Variants in SULT4A1 observed in about 807,000 individuals in gnomAD.
The protein encoded by SULT4A1 is sulfotransferase 4A1.
Under a neutral mutation model 35.2 loss-of-function variants are expected in SULT4A1, and 11 were observed. The ratio of observed to expected loss-of-function variants is 0.31; its 90% CI spans 0.20 to 0.52. SULT4A1 has a LOEUF of 0.52. SULT4A1 is among the 20% of genes least tolerant of loss of function. The pLI is 0.97. For missense variants in SULT4A1, 271 were observed against 383.7 expected, an observed-to-expected ratio of 0.71 and a Z score of 2.45; for synonymous variants, 152 against 151.8, an observed-to-expected ratio of 1.00 and a Z score of -0.01.
At chr22:43,853,558 A>C (rs1350846613) in intron 1 of SULT4A1, among the ~76,000 whole-genome samples, 1 of 152,178 alleles carries the variant, frequency 6.6e-6, no homozygotes, top group Non-Finnish European at 1.5e-5. Flanking sequence ...TGGGTTCCAC[A>C]GTCAGGCCTG....
chr22:43,861,581 G>A (rs368078600), intron 1 of SULT4A1, among the ~76,000 whole-genome samples: 42 of 152,328 alleles, frequency 2.8e-4, no homozygotes, highest in African/African-American at 9.9e-4. Context: ...TCACACAGCT[G>A]TTATTGTGAA....
chr22:43,847,395 C>A (rs1345635331), intron 1 of SULT4A1, among the ~76,000 whole-genome samples: 1 of 152,272 alleles, frequency 6.6e-6, no homozygotes, highest in African/African-American at 2.4e-5. Context: ...CCTAGCTCTG[C>A]AAGGCCCTCT....
At chr22:43,832,778 A>C (rs2063334281) in intron 5 of SULT4A1, among the ~76,000 whole-genome samples, 1 of 152,146 alleles carries the variant, frequency 6.6e-6, no homozygotes, top group Non-Finnish European at 1.5e-5. Flanking sequence ...GTGTGGGGAA[A>C]GTACAAGGCT....
At chr22:43,841,361 G>T (rs977877707) in intron 2 of SULT4A1, among the ~76,000 whole-genome samples, 6 of 152,192 alleles carry the variant, frequency 3.9e-5, no homozygotes, top group Non-Finnish European at 1.5e-5. Context: ...AACTAAAGAG[G>T]TGCAGCGGAC....
intron 1 of SULT4A1, among the ~76,000 whole-genome samples, chr22:43,854,414 A>G (rs543072975): frequency 6.6e-6 from 1 of 152,332 alleles, no homozygotes; most frequent in East Asian, 1.9e-4. Context: ...GATCTAGTCA[A>G]TCTGCACACA....
In SULT4A1 at chr22:43,833,674, T is replaced by C; in HGVS notation, c.569A>G (p.Asn190Ser). The C allele has an allele frequency of 6.3e-7, 1 of 1,595,270 alleles. No individual in the cohort carries two copies. ...GTCTTCATACTTGAGAAAAAGCACG[T>C]TCGAGTCCATGCGGTGCTCCCAGAA... ...QEFWEHRMDS[N>S]VLFLKYEDMH... Residue 190 changes from asparagine to serine, a missense_variant, in exon 5 of 7, where the codon AAC becomes AGC. Asn to Ser is a conservative substitution (Grantham distance 46, BLOSUM62 1). Transcript: ENST00000330884.
At chr22:43,858,332 A>G (rs2049426848) in intron 1 of SULT4A1, among the ~76,000 whole-genome samples, 2 of 152,156 alleles carry the variant, frequency 1.3e-5, no homozygotes, top group Admixed American at 1.3e-4. Context: ...TTCCTCCAGA[A>G]GTCATTCTGC....
chr22:43,843,729 C>T (rs2063452037), intron 1 of SULT4A1, among the ~76,000 whole-genome samples: 1 of 152,252 alleles, frequency 6.6e-6, no homozygotes, highest in African/African-American at 2.4e-5. Context: ...TCCGTACCCT[C>T]CTCCATCCTC....
chr22:43,831,610 A>G (rs1398618123), intron 5 of SULT4A1, among the ~76,000 whole-genome samples: 1 of 152,234 alleles, frequency 6.6e-6, no homozygotes, highest in Non-Finnish European at 1.5e-5. Flanking sequence ...TCGTGCTGCA[A>G]CGGAGCACCG....
At chr22:43,862,024 TCCCACCCCCAC>T (rs2049475930) in intron 1 of SULT4A1, among the ~76,000 whole-genome samples, 179 bp downstream of exon 1, 1 of 150,876 alleles carries the variant, frequency 6.6e-6, no homozygotes, top group African/African-American at 2.4e-5. Flanking sequence ...CCAAGCCCCT[TCCCACCCCCAC>T]CCCACCCCAC....
rs1183291763 is a variant in SULT4A1 at position 43,826,018 on chromosome 22, A to C, written c.838T>G (p.Phe280Val). 6.2e-7 allele frequency: 1 copy of C among 1,613,914 alleles called. No homozygotes were observed. ...TTCTGTTATTATAAATAAAAGTCAA[A>C]CGTGAGGTCACACTTTCCCATCTTC... ...KQKMGKCDLTFDFYL is the reference protein window; with the variant it reads ...KQKMGKCDLTVDFYL The change falls in exon 7 of 7, where the codon TTT (phenylalanine) becomes GTT (valine). Residue 280 changes from phenylalanine (F) to valine (V), a missense_variant. By Grantham distance (50) the Phe-to-Val change is conservative (BLOSUM62 -1). Coordinates refer to ENST00000330884, the MANE Select transcript of SULT4A1 (RefSeq NM_014351.4).
chr22:43,839,189 T>C (rs1569503587), intron 3 of SULT4A1, among the ~76,000 whole-genome samples, 196 bp from the exon 4 acceptor site: 1 of 152,248 alleles, frequency 6.6e-6, no homozygotes, highest in Non-Finnish European at 1.5e-5. Context: ...GCCCTGTCCA[T>C]GCAGTAGAGC....
intron 1 of SULT4A1, among the ~76,000 whole-genome samples, chr22:43,858,614 C>CT (rs1273601212): frequency 1.3e-5 from 2 of 152,220 alleles, no homozygotes. Flanking sequence ...CTGTGGAACA[C>CT]TTTGTTACCC....
chr22:43,834,758 C>T (rs1173127440), intron 4 of SULT4A1, among the ~76,000 whole-genome samples: 7 of 5,670 alleles, frequency 1.2e-3, no homozygotes, highest in Admixed American at 2.1e-3. Flanking sequence ...GCGCCCCCAC[C>T]GCGTCCCTGT....
intron 6 of SULT4A1, chr22:43,827,755 C>CCACACACACA (rs3223292): frequency 0.011 from 3,660 of 327,566 alleles, 45 homozygotes; most frequent in African/African-American, 0.017. Flanking sequence ...CGCTGCTTCA[C>CCACACACACA]CACACACACA....
chr22:43,859,452 C>T (rs739230), intron 1 of SULT4A1, among the ~76,000 whole-genome samples: 14,858 of 152,296 alleles, frequency 0.098, 792 homozygotes, highest in Admixed American at 0.12. Flanking sequence ...TATTTCAAAG[C>T]CCAAGCTCCA....
intron 1 of SULT4A1, among the ~76,000 whole-genome samples, chr22:43,846,229 C>G (rs2148295806): frequency 6.6e-6 from 1 of 152,370 alleles, no homozygotes; most frequent in African/African-American, 2.4e-5. Flanking sequence ...TGACTCCTCC[C>G]TGCGCCTGCT....
intron 6 of SULT4A1, chr22:43,826,764 AT>A (rs2063289526): frequency 4.1e-6 from 4 of 985,472 alleles, no homozygotes; most frequent in Non-Finnish European, 4.8e-6. Context: ...TAGTCGCAGC[AT>A]TAGCTAGCTT....
intron 1 of SULT4A1, among the ~76,000 whole-genome samples, chr22:43,861,014 C>T (rs940012828): frequency 2.6e-5 from 4 of 152,154 alleles, no homozygotes; most frequent in Non-Finnish European, 4.4e-5. Flanking sequence ...AGCACTTGGC[C>T]CGCAGGACTT....
Sources: gnomAD v4.1 joint callset for allele counts (sites outside exome capture counted in the v4.1 genomes callset) on GRCh38, gnomAD v4.1.1 for gene constraint, MANE v1.5 for transcripts, NCBI Gene and HGNC (gene_info 2026-07-23, HGNC 2026-07-21) for gene names.